The following ABHD2 variants were observed in gnomAD, a reference collection of about 807,000 sequenced individuals.
ABHD2 encodes the protein monoacylglycerol lipase ABHD2.
ABHD2 carries 20 observed loss-of-function variants against 48.1 expected under a neutral mutation model. The observed-to-expected ratio is 0.42, with a 90% CI of 0.29 to 0.60. The LOEUF (loss-of-function observed/expected upper bound fraction) is 0.60, where lower values mean the gene tolerates loss of function less well. Ranked by LOEUF, ABHD2 falls within the 20% of genes least tolerant of loss-of-function variation. The pLI is 0.24. For synonymous variants in ABHD2, 209 were observed against 214.2 expected, an observed-to-expected ratio of 0.98 and a Z score of 0.21; for missense variants, 405 against 550.9, an observed-to-expected ratio of 0.74 and a Z score of 2.65.
chr15:89,124,220 G>A (rs2050098135), intron 3 of ABHD2, among the ~76,000 whole-genome samples: 1 of 152,194 alleles, frequency 6.6e-6, no homozygotes, highest in Non-Finnish European at 1.5e-5. Flanking sequence ...AAGAGCACGG[G>A]ACTCCATATA....
In ABHD2 at chr15:89,199,365, A is replaced by G. The variant is rs141728329; in HGVS notation, c.*3942A>G. The stretch of plus-strand genomic sequence containing the variant: ...GTCTTTGTCCTTTAGGCAGGACAGG[A>G]GAGTCATTAAGAAGCATTTCACTGT... On this transcript the variant is annotated 3_prime_UTR_variant, in exon 11 of 11. Coordinates refer to ENST00000352732, the MANE Select transcript of ABHD2 (RefSeq NM_152924.5). This position sits in a 1 kb window ranked among gnomAD's most constrained non-coding sequence, Gnocchi z 4.1. 2.0e-5 allele frequency: 3 copies of G among 152,686 alleles called. No homozygotes were observed. The highest frequency in any genetic ancestry group is 7.2e-5 in the African/African-American group (3 of 41,544). The allele number at this position is 152,686 out of a possible 1,614,324, so 9.5% of individuals were successfully genotyped here. A position where few individuals can be genotyped will look rare whatever the true frequency, so the allele number is the denominator to read the frequency against.
rs190396714 is a variant in ABHD2, at chr15:89,179,500, T to A, written c.722+3505T>A. Among the ~76,000 whole-genome samples, 4 of 152,278 alleles carry A rather than the reference T, an allele frequency of 2.6e-5. No homozygotes were observed. In the East Asian group the frequency reaches 5.8e-4, roughly 22 times the overall value. ...TCTAATATCTGATGATCTGTCGCTG[T>A]CTCCCATCACCCCCAGATGGGACTG... On this transcript the variant is annotated intron_variant, in intron 6 of 10. Transcript: ENST00000352732. This position sits in a 1 kb window ranked among gnomAD's most constrained non-coding sequence, Gnocchi z 4.3.
At chr15:89,050,398 C>T in the ABHD2 span, among the ~76,000 whole-genome samples, 1 of 152,166 alleles carries the variant, frequency 6.6e-6, no homozygotes, top group Non-Finnish European at 1.5e-5. Flanking sequence ...AGATTCCAGA[C>T]CCAGAGAACA....
chr15:89,157,109 ACTC>A (rs1273542381), intron 5 of ABHD2, among the ~76,000 whole-genome samples: 2 of 152,144 alleles, frequency 1.3e-5, no homozygotes, highest in Non-Finnish European at 2.9e-5. Context: ...TGCTGTTACT[ACTC>A]TGTTATAGTT....
chr15:89,062,156 G>C, the ABHD2 span, among the ~76,000 whole-genome samples: 1 of 152,122 alleles, frequency 6.6e-6, no homozygotes, highest in Non-Finnish European at 1.5e-5. Flanking sequence ...GAAATCTTTT[G>C]AACCTGAAGG....
At position 89,169,760 on chromosome 15, in the gene ABHD2, C is replaced by T. The variant is rs555240575; in HGVS notation, c.539-6052C>T. On this transcript the variant is annotated intron_variant, in intron 5 of 10. Coordinates refer to ENST00000352732, the MANE Select transcript of ABHD2 (RefSeq NM_152924.5). ...TGAGGAAATGTAAACATCTTTTTTTCCCTTATTTTTTTGCTAGATTTTAAA... is the reference window on the plus strand; with the variant it reads ...TGAGGAAATGTAAACATCTTTTTTTTCCTTATTTTTTTGCTAGATTTTAAA... 1.6e-4 allele frequency among the ~76,000 whole-genome samples: 24 copies of T among 152,166 alleles called. No individual in the cohort carries two copies. In the Middle Eastern group the frequency reaches 0.014, roughly 86 times the overall value.
chr15:89,131,252 A>G (rs574568546), intron 3 of ABHD2, among the ~76,000 whole-genome samples: 8 of 152,154 alleles, frequency 5.3e-5, no homozygotes, highest in Non-Finnish European at 1.2e-4. Flanking sequence ...GACACATCAG[A>G]TCTCTCCACA....
chr15:89,122,363 G>C (rs2050065428), intron 3 of ABHD2, among the ~76,000 whole-genome samples: 1 of 152,180 alleles, frequency 6.6e-6, no homozygotes, highest in Non-Finnish European at 1.5e-5. Context: ...GATTCCTGGT[G>C]GTTCCAAATC....
chr15:89,190,091 T>A (rs553997656), intron 8 of ABHD2, among the ~76,000 whole-genome samples: 3 of 152,308 alleles, frequency 2.0e-5, no homozygotes, highest in Admixed American at 2.0e-4. Context: ...CAGCCTGAGC[T>A]TTCCAGGCCA....
At chr15:89,112,293 T>C (rs2049887630) in intron 1 of ABHD2, among the ~76,000 whole-genome samples, 1 of 152,218 alleles carries the variant, frequency 6.6e-6, no homozygotes, top group Admixed American at 6.5e-5. Context: ...ATCTGAAATC[T>C]CCTGGTGTTA....
At chr15:89,119,373 T>C (rs2050012313) in intron 3 of ABHD2, among the ~76,000 whole-genome samples, 3 of 152,330 alleles carry the variant, frequency 2.0e-5, no homozygotes, top group Admixed American at 2.0e-4. Context: ...CTCTTATTTC[T>C]GATTTAGATT....
intron 1 of ABHD2, among the ~76,000 whole-genome samples, chr15:89,101,534 A>T (rs531761136): frequency 3.3e-5 from 5 of 152,340 alleles, no homozygotes; most frequent in South Asian, 2.1e-4. Flanking sequence ...TTAGTCAATT[A>T]GTAAATATTT....
At chr15:89,051,129 A>G in the ABHD2 span, among the ~76,000 whole-genome samples, 1 of 152,152 alleles carries the variant, frequency 6.6e-6, no homozygotes. Flanking sequence ...GCTACTCAGG[A>G]GGCTGAGGCA....
upstream of ABHD2, among the ~76,000 whole-genome samples, chr15:89,086,049 C>G (rs1188480679): frequency 6.7e-6 from 1 of 149,002 alleles, no homozygotes; most frequent in Non-Finnish European, 1.5e-5. Flanking sequence ...TTTTTTTTTT[C>G]TGAGACAGAG....
the ABHD2 span, among the ~76,000 whole-genome samples, chr15:89,057,071 G>A: frequency 1.3e-5 from 2 of 151,814 alleles, no homozygotes; most frequent in South Asian, 4.2e-4. Context: ...ACGCCACCAC[G>A]CCCGGCTAAT....
chr15:89,074,637 T>C, the ABHD2 span, among the ~76,000 whole-genome samples: 1 of 152,216 alleles, frequency 6.6e-6, no homozygotes, highest in African/African-American at 2.4e-5. Context: ...GTGGCTGCTA[T>C]GACTCCTCCA....
At position 89,120,297 on chromosome 15, in the gene ABHD2, T is replaced by C. The variant is rs1365478831; in HGVS notation, c.194+3776T>C. On this transcript the variant is annotated intron_variant, in intron 3 of 10. Transcript: ENST00000352732. The surrounding 1 kb of genome is among the most constrained non-coding windows in gnomAD (Gnocchi z 4.2). ...AAACAGATCAATATTTACCTAGTGA[T>C]TCATTTTTTGTTCTCATGAAGTGTT... Among the ~76,000 whole-genome samples, 1 of 152,182 alleles carries C rather than the reference T, an allele frequency of 6.6e-6. No individual in the cohort carries two copies. The highest frequency in any genetic ancestry group is 1.5e-5 in the Non-Finnish European group (1 of 68,040).
In ABHD2 at chr15:89,146,956, G is replaced by A. The variant is rs1054450764; in HGVS notation, c.195-4721G>A. 6.6e-6 allele frequency among the ~76,000 whole-genome samples: 1 copy of A among 152,136 alleles called. No homozygotes were observed. Among genetic ancestry groups the A allele is most frequent in the African/African-American group, 2.4e-5 (1 of 41,430 alleles). On this transcript the variant is annotated intron_variant, in intron 3 of 10. Transcript: ENST00000352732. The surrounding 1 kb of genome is among the most constrained non-coding windows in gnomAD (Gnocchi z 4.2). Reference sequence around the variant, plus strand: ...TAATTAATCTGGAAAATAAAATGCTGAAATCTGCCAAGAAAATTTTGAAAA... The same window carrying A: ...TAATTAATCTGGAAAATAAAATGCTAAAATCTGCCAAGAAAATTTTGAAAA...
intron 7 of ABHD2, among the ~76,000 whole-genome samples, chr15:89,187,218 C>G (rs1050265837): frequency 3.3e-5 from 5 of 152,222 alleles, no homozygotes; most frequent in African/African-American, 9.6e-5. Flanking sequence ...AGGACCCAGT[C>G]TTGCTACTAA....
Sources: allele counts gnomAD v4.1 joint callset (sites outside exome capture counted in the v4.1 genomes callset), GRCh38; gene constraint gnomAD v4.1.1; non-coding constraint Gnocchi (gnomAD v3.1); transcripts MANE v1.5; gene names NCBI Gene and HGNC (gene_info 2026-07-23, HGNC 2026-07-21).